PIGN: variants seen among roughly 807,000 people sequenced by gnomAD.
PIGN encodes the protein GPI ethanolamine phosphate transferase 1.
In PIGN, 117 loss-of-function variants were observed where a neutral mutation model predicts 125.4. The ratio of observed to expected loss-of-function variants is 0.93; its 90% CI spans 0.80 to 1.09. The LOEUF is 1.09. Ranked by LOEUF, PIGN falls within the 50% of genes least tolerant of loss-of-function variation. PIGN has a pLI of 0.00. For missense variants in PIGN, 1,075 were observed against 1,094.9 expected (o/e 0.98, Z 0.26); for synonymous variants, 392 against 377.8 (o/e 1.04, Z -0.44).
chr18:62,123,808 A>T (rs4274523), intron 14 of PIGN, among the ~76,000 whole-genome samples: 1 of 151,762 alleles, frequency 6.6e-6, no homozygotes, highest in African/African-American at 2.4e-5. Flanking sequence ...AGCATAATGA[A>T]GAATAGGAAA....
chr18:62,187,042 A>C lies in PIGN; in HGVS notation c.-434T>G. On this transcript the variant is annotated 5_prime_UTR_variant, in exon 1 of 31. Coordinates refer to ENST00000640252, the MANE Select transcript of PIGN (RefSeq NM_176787.5). ...CAATACCTGCCCGGCCGCTGCTGCT[A>C]TCGCGATAATTCTCGGGCCAGTCTC... The C allele has an allele frequency of 6.5e-6, 1 of 153,208 alleles. No homozygotes were observed. The highest frequency in any genetic ancestry group is 1.5e-5 in the Non-Finnish European group (1 of 68,686). 9.5% of individuals were successfully genotyped at this position (153,208 alleles called of 1,614,324 possible). A position where few individuals can be genotyped will look rare whatever the true frequency, so the allele number is the denominator to read the frequency against.
At chr18:62,070,399 A>G in intron 30 of PIGN, 1 of 398,596 alleles carries the variant, frequency 2.5e-6, no homozygotes, top group Non-Finnish European at 4.4e-6. Flanking sequence ...CCAAGCACGT[A>G]TGGCATGTAA....
chr18:62,128,651 G>C (rs1048917467), intron 14 of PIGN, among the ~76,000 whole-genome samples: 4 of 137,892 alleles, frequency 2.9e-5, no homozygotes, highest in Admixed American at 8.2e-5. Context: ...GTTGATATGA[G>C]GAAAAAATTA....
chr18:62,144,800 TTAA>T (rs1202436570), intron 10 of PIGN, among the ~76,000 whole-genome samples: 1 of 152,222 alleles, frequency 6.6e-6, no homozygotes, highest in East Asian at 1.9e-4. Context: ...GCCAAATATC[TTAA>T]TAAAAATGTG....
intron 29 of PIGN, among the ~76,000 whole-genome samples, chr18:62,074,071 G>A (rs1229125875): frequency 6.6e-6 from 1 of 152,232 alleles, no homozygotes; most frequent in Non-Finnish European, 1.5e-5. Flanking sequence ...AATACTCCAT[G>A]TGTACTGTCA....
At chr18:62,046,588 T>A (rs574203531) in intron 30 of PIGN, among the ~76,000 whole-genome samples, 1 of 151,350 alleles carries the variant, frequency 6.6e-6, no homozygotes, top group East Asian at 2.0e-4. Context: ...CAGCGGCGTG[T>A]GGAAAAATTG....
rs1231836214 is a variant in PIGN at position 62,076,659 on chromosome 18, G to GT, written c.2577-1839dup. ...AGTTAATTTTTGAATAAAGTGTGAG[G>GT]TTTTGGTAGAGGTTTGTGACTTCTT... On this transcript the variant is annotated intron_variant, in intron 28 of 30. Transcript: ENST00000640252. Among the ~76,000 whole-genome samples the GT allele has an allele frequency of 2.0e-5, 3 of 152,234 alleles. No homozygotes were observed. In the East Asian group the frequency reaches 5.8e-4, roughly 29 times the overall value.
intron 23 of PIGN, among the ~76,000 whole-genome samples, chr18:62,021,412 A>G (rs946534999): frequency 6.6e-6 from 1 of 152,232 alleles, no homozygotes; most frequent in Non-Finnish European, 1.5e-5. Flanking sequence ...TGGGTCAGAG[A>G]CAAAAGACAG....
chr18:62,040,760 G>A (rs1260556021), downstream of PIGN, among the ~76,000 whole-genome samples: 1 of 152,164 alleles, frequency 6.6e-6, no homozygotes, highest in Non-Finnish European at 1.5e-5. Context: ...GTTGACAGAC[G>A]ATTTCTAGAA....
chr18:62,109,644 C>T (rs985505357), intron 17 of PIGN, among the ~76,000 whole-genome samples, 190 bp downstream of exon 17: 15 of 151,978 alleles, frequency 9.9e-5, no homozygotes, highest in Non-Finnish European at 1.8e-4. Context: ...GGGAAAAGTA[C>T]AACAGAAAGA....
intron 28 of PIGN, among the ~76,000 whole-genome samples, chr18:62,082,248 A>T (rs1306699854): frequency 6.6e-6 from 1 of 152,174 alleles, no homozygotes; most frequent in Non-Finnish European, 1.5e-5. Flanking sequence ...CATGTAGAAA[A>T]GTTAATTTTA....
At chr18:62,115,116 T>C (rs1439937611) in intron 14 of PIGN, among the ~76,000 whole-genome samples, 1 of 152,298 alleles carries the variant, frequency 6.6e-6, no homozygotes, top group South Asian at 2.1e-4. Flanking sequence ...CTAACCACCA[T>C]TGGAAGTTAA....
rs1303203955 is a variant in PIGN at position 62,070,872 on chromosome 18, T to C, written c.2672+1801A>G. Among the ~76,000 whole-genome samples, 7 of 152,150 alleles carry C rather than the reference T, an allele frequency of 4.6e-5. No homozygotes were observed. In the East Asian group the frequency reaches 1.2e-3, roughly 25 times the overall value. On this transcript the variant is annotated intron_variant, in intron 30 of 30. Transcript: ENST00000640252. ...AGGCTGGAGTGCAGTGGCCCAGTCA[T>C]GGCTCACTAAACTCTTTTGACCTCC...
At chr18:62,177,166 T>C (rs2147920660) in intron 1 of PIGN, among the ~76,000 whole-genome samples, 1 of 152,340 alleles carries the variant, frequency 6.6e-6, no homozygotes, top group South Asian at 2.1e-4. Context: ...GAATTAAAGA[T>C]GGTGTCCCAT....
At chr18:62,148,726 T>A (rs919492860) in intron 7 of PIGN, among the ~76,000 whole-genome samples, 1 of 152,142 alleles carries the variant, frequency 6.6e-6, no homozygotes, top group African/African-American at 2.4e-5. Flanking sequence ...TTTAAATATT[T>A]CAGAACTGGA....
intron 30 of PIGN, 28 bp downstream of exon 30, chr18:62,072,645 A>T (rs201922349): frequency 1.3e-6 from 2 of 1,547,020 alleles, no homozygotes; most frequent in Middle Eastern, 3.4e-4. Flanking sequence ...CCCTGTTGTT[A>T]AGCAATGCAT....
rs1316602069 is a variant in PIGN at position 62,106,770 on chromosome 18, T to A, written c.1767+19A>T. On this transcript the variant is annotated intron_variant, in intron 19 of 30. Coordinates refer to ENST00000640252, the MANE Select transcript of PIGN (RefSeq NM_176787.5). ...AAAGTAGTTACTAATCTGTCCTATG[T>A]CAAAATGAGTACTCATACCTTTGCT... is the stretch of plus-strand genomic sequence containing the variant. The A allele has an allele frequency of 3.9e-6, 6 of 1,542,286 alleles. No homozygotes were observed. Among genetic ancestry groups the A allele is most frequent in the Non-Finnish European group, 5.3e-6 (6 of 1,123,894 alleles).
chr18:62,065,631 C>A (rs899503632), intron 30 of PIGN, among the ~76,000 whole-genome samples: 2 of 151,578 alleles, frequency 1.3e-5, no homozygotes, highest in Middle Eastern at 3.2e-3. Context: ...CCCAGCTACT[C>A]GGGAGGCTGA....
intron 14 of PIGN, among the ~76,000 whole-genome samples, chr18:62,131,576 T>C (rs1045317296): frequency 3.3e-5 from 5 of 152,298 alleles, no homozygotes; most frequent in Middle Eastern, 6.8e-3. Flanking sequence ...GTTTGTTTTT[T>C]AGCAGTTCTC....
Sources: gnomAD v4.1 joint callset for allele counts (sites outside exome capture counted in the v4.1 genomes callset) on GRCh38, gnomAD v4.1.1 for gene constraint, MANE v1.5 for transcripts, NCBI Gene and HGNC (gene_info 2026-07-23, HGNC 2026-07-21) for gene names.